MTPAP: variants seen among roughly 807,000 people sequenced by gnomAD.
MTPAP encodes mitochondrial poly(A) polymerase.
Under a neutral mutation model 48.7 loss-of-function variants are expected in MTPAP, and 23 were observed. The ratio of observed to expected loss-of-function variants is 0.47; its 90% confidence interval spans 0.34 to 0.67. The LOEUF (loss-of-function observed/expected upper bound fraction) is 0.67, where lower values mean the gene tolerates loss of function less well. Ranked by LOEUF, MTPAP falls within the 30% of genes least tolerant of loss-of-function variation. MTPAP has a pLI of 0.01. For missense variants in MTPAP, 614 were observed against 694.3 expected, an observed-to-expected ratio of 0.88 and a Z score of 1.30; for synonymous variants, 257 against 254.1, an observed-to-expected ratio of 1.01 and a Z score of -0.11.
chr10:30,316,521 G>C (rs1366291898), intron 6 of MTPAP, among the ~76,000 whole-genome samples: 1 of 151,196 alleles, frequency 6.6e-6, no homozygotes, highest in African/African-American at 2.4e-5. Flanking sequence ...GGGATTACAG[G>C]CGTGAGCCAC....
intron 4 of MTPAP, among the ~76,000 whole-genome samples, 167 bp downstream of exon 4, chr10:30,336,636 C>G (rs1213933244): frequency 6.6e-6 from 1 of 152,148 alleles, no homozygotes; most frequent in Non-Finnish European, 1.5e-5. Flanking sequence ...TAGAACAATA[C>G]AAAGAAAGAC....
At chr10:30,327,947 C>T (rs1478194302) in intron 4 of MTPAP, among the ~76,000 whole-genome samples, 3 of 151,630 alleles carry the variant, frequency 2.0e-5, no homozygotes, top group Non-Finnish European at 2.9e-5. Flanking sequence ...AATGCTTTTA[C>T]GATCTTAGAA....
Position 30,326,455 on chromosome 10 carries a change from C to T in MTPAP, c.961G>A (p.Gly321Arg), listed in dbSNP as rs775432267. 2.5e-6 allele frequency: 4 copies of T among 1,613,998 alleles called. No homozygotes were observed. The highest frequency in any genetic ancestry group is 2.2e-5 in the East Asian group (1 of 44,878). ...TTCGTAGTCAAATCACACTGAAATCCGGAGGCCTGGTGTGAGAACCTCACG... is the reference window on the plus strand; with the variant it reads ...TTCGTAGTCAAATCACACTGAAATCTGGAGGCCTGGTGTGAGAACCTCACG... ...PLVRFSHQAS[G>R]FQCDLTTNNR... The change falls in exon 5 of 9, where the codon GGA (glycine) becomes AGA (arginine). Residue 321 changes from glycine (G) to arginine (R), a missense_variant. Gly to Arg is a moderately radical substitution (Grantham distance 125). Transcript: ENST00000263063.
intron 3 of MTPAP, among the ~76,000 whole-genome samples, chr10:30,339,117 C>G (rs570088439): frequency 1.5e-4 from 23 of 149,520 alleles, no homozygotes; most frequent in Non-Finnish European, 3.0e-4. Flanking sequence ...AGCAAGAGTC[C>G]GTCTCAAAAC....
chr10:30,336,768 T>C (rs1834734689), intron 4 of MTPAP, 35 bp downstream of exon 4: 1 of 1,484,720 alleles, frequency 6.7e-7, no homozygotes. Flanking sequence ...TTCTTAACTT[T>C]ACATGATTAT....
chr10:30,317,485 A>G (rs985781155), intron 6 of MTPAP, among the ~76,000 whole-genome samples: 1 of 152,212 alleles, frequency 6.6e-6, no homozygotes, highest in Non-Finnish European at 1.5e-5. Flanking sequence ...ACTAGTATTT[A>G]TATCTTAAGA....
At chr10:30,320,870 C>T (rs1244171974) in intron 6 of MTPAP, among the ~76,000 whole-genome samples, 1 of 152,168 alleles carries the variant, frequency 6.6e-6, no homozygotes, top group Admixed American at 6.6e-5. Context: ...TCTGAACTCC[C>T]AAAGTTCCGT....
chr10:30,341,091 G>T (rs141443380), intron 2 of MTPAP, among the ~76,000 whole-genome samples: 91 of 152,026 alleles, frequency 6.0e-4, no homozygotes, highest in African/African-American at 2.1e-3. Flanking sequence ...GGTGGTGCAG[G>T]ACTGTAGTCC....
At chr10:30,323,451 C>CAAA (rs755342499) in intron 5 of MTPAP, among the ~76,000 whole-genome samples, 305 of 83,330 alleles carry the variant, frequency 3.7e-3, no homozygotes, top group Non-Finnish European at 4.6e-3. Flanking sequence ...GACCCTGCCT[C>CAAA]AAAAAAAAAA....
chr10:30,319,714 C>T (rs576554769), intron 6 of MTPAP, among the ~76,000 whole-genome samples: 1 of 152,304 alleles, frequency 6.6e-6, no homozygotes, highest in East Asian at 1.9e-4. Context: ...ACAGCAACTT[C>T]AAAAACCATA....
chr10:30,331,210 A>G (rs1834661975), intron 4 of MTPAP, among the ~76,000 whole-genome samples: 1 of 151,958 alleles, frequency 6.6e-6, no homozygotes, highest in South Asian at 2.1e-4. Flanking sequence ...GTTCACAGAC[A>G]GTTAGATCCA....
intron 3 of MTPAP, 125 bp downstream of exon 3, chr10:30,340,101 T>C: frequency 1.2e-6 from 1 of 862,304 alleles, no homozygotes; most frequent in Non-Finnish European, 1.8e-6. Context: ...GTAACTCTTT[T>C]CACCTTGTAA....
chr10:30,314,884 C>CAAAAAAAAAAAAAAAAAAACAAAA (rs1840641517), intron 8 of MTPAP, among the ~76,000 whole-genome samples: 2 of 110,744 alleles, frequency 1.8e-5, no homozygotes, highest in Admixed American at 1.1e-4. Flanking sequence ...AAAACAAAAA[C>CAAAAAAAAAAAAAAAAAAACAAAA]AAAAAAAAAA....
chr10:30,330,474 T>C (rs1354504164), intron 4 of MTPAP, among the ~76,000 whole-genome samples: 2 of 152,138 alleles, frequency 1.3e-5, no homozygotes, highest in African/African-American at 2.4e-5. Context: ...ACAGAAGGAT[T>C]AGAATCACTC....
At position 30,340,303 on chromosome 10, in the gene MTPAP, G is replaced by A. The variant is rs752583398; in HGVS notation, c.478C>T (p.Arg160Trp). 2.1e-5 allele frequency: 34 copies of A among 1,613,984 alleles called. No individual in the cohort carries two copies. Among genetic ancestry groups the A allele is most frequent in the Admixed American group, 6.7e-5 (4 of 59,982 alleles). The change falls in exon 3 of 9, where the codon CGG becomes TGG. Residue 160 changes from arginine (R) to tryptophan (W), a missense_variant. Arg to Trp is a moderately radical substitution (Grantham distance 101). Transcript: ENST00000263063. ...TGATTACTTGACCGTACGCGTGACCGTTCAGAAGTCTGGTTTTTCAACTTC... is the reference window on the plus strand; with the variant it reads ...TGATTACTTGACCGTACGCGTGACCATTCAGAAGTCTGGTTTTTCAACTTC... ...NLKLKNQTSERSRVRSSNQLP... is the reference protein window; with the variant it reads ...NLKLKNQTSEWSRVRSSNQLP...
At chr10:30,316,817 G>A (rs997281081) in intron 6 of MTPAP, among the ~76,000 whole-genome samples, 1 of 151,934 alleles carries the variant, frequency 6.6e-6, no homozygotes, top group Non-Finnish European at 1.5e-5. Context: ...TTGAACCCAG[G>A]AGGCGGAGGT....
intron 1 of MTPAP, among the ~76,000 whole-genome samples, chr10:30,347,496 A>ATATT (rs1222006483): frequency 2.0e-5 from 3 of 152,258 alleles, no homozygotes; most frequent in Admixed American, 2.0e-4. Flanking sequence ...GAATCCCTGA[A>ATATT]TATTTAGTCG....
chr10:30,341,741 CTTCACCTAATCTATTTT>C, intron 1 of MTPAP, 101 bp from the exon 2 acceptor site: 1 of 1,202,192 alleles, frequency 8.3e-7, no homozygotes, highest in Non-Finnish European at 1.2e-6. Context: ...CTAAAACCAA[CTTCACCTAATCTATTTT>C]TTCTCTTCCT....
intron 8 of MTPAP, among the ~76,000 whole-genome samples, chr10:30,314,698 TC>T (rs1310554868): frequency 3.3e-5 from 5 of 151,226 alleles, no homozygotes; most frequent in Non-Finnish European, 5.9e-5. Context: ...CATGGTGAAA[TC>T]CCATCTCTAC....
Sources: gnomAD v4.1 joint callset for allele counts (sites outside exome capture counted in the v4.1 genomes callset) on GRCh38, gnomAD v4.1.1 for gene constraint, MANE v1.5 for transcripts, NCBI Gene and HGNC (gene_info 2026-07-23, HGNC 2026-07-21) for gene names.